Variants in ERG observed in about 807,000 individuals in gnomAD.
ERG encodes ETS transcription factor ERG.
A neutral mutation model predicts 55.3 loss-of-function variants in ERG; 9 were observed. That is an observed-to-expected ratio of 0.16 (90% CI 0.10 to 0.28). The LOEUF is 0.28. Among genes scored for constraint, ERG ranks in the 10% least tolerant of loss-of-function variants. The pLI is 1.00. For missense variants in ERG, 434 were observed against 631.6 expected (o/e 0.69, Z 3.35); for synonymous variants, 223 against 237.3 (o/e 0.94, Z 0.55).
chr21:38,640,740 C>T (rs2060419385), intron 1 of ERG, among the ~76,000 whole-genome samples: 1 of 152,106 alleles, frequency 6.6e-6, no homozygotes, highest in Admixed American at 6.5e-5. Flanking sequence ...ACATCTTTAT[C>T]AGCGGTGTGA....
intron 1 of ERG, among the ~76,000 whole-genome samples, chr21:38,468,195 C>A (rs141792190): frequency 0.012 from 1,782 of 152,270 alleles, 39 homozygotes; most frequent in African/African-American, 0.042. Flanking sequence ...CCTTCCTCCC[C>A]ACCCGGCAGG....
intron 3 of ERG, among the ~76,000 whole-genome samples, chr21:38,419,771 T>C (rs910299467): frequency 6.6e-6 from 1 of 152,134 alleles, no homozygotes; most frequent in Non-Finnish European, 1.5e-5. Flanking sequence ...TTTTTGACAC[T>C]TTTTTTATGG....
downstream of ERG, among the ~76,000 whole-genome samples, chr21:38,378,754 C>G (rs1372466494): frequency 6.6e-6 from 1 of 152,180 alleles, no homozygotes; most frequent in African/African-American, 2.4e-5. Context: ...TCAGAAAATG[C>G]AACCTAAGAT....
chr21:38,399,854 C>G (rs2146447137), intron 6 of ERG, among the ~76,000 whole-genome samples: 1 of 152,304 alleles, frequency 6.6e-6, no homozygotes, highest in African/African-American at 2.4e-5. Context: ...CTAGGTCACT[C>G]TACTGAAACA....
At chr21:38,418,927 CAAAAAAAAAAAAA>C (rs35001409) in intron 3 of ERG, among the ~76,000 whole-genome samples, 1 of 80,924 alleles carries the variant, frequency 1.2e-5, no homozygotes, top group Non-Finnish European at 2.4e-5. Flanking sequence ...GACTTTGTCT[CAAAAAAAAAAAAA>C]AAAAAAAAAA....
rs573502818 is a variant in ERG at position 38,444,529 on chromosome 21, T to C, written c.236+875A>G. Among the ~76,000 whole-genome samples, 6 of 152,306 alleles carry C rather than the reference T, an allele frequency of 3.9e-5. No individual in the cohort carries two copies. The East Asian group carries it at 1.2e-3, about 29-fold the overall frequency. Reference sequence around the variant, plus strand: ...GATTTGATATTCTTTTTCCTGAATATATATGGGGTATTAGATCATAATTGA... The same window carrying C: ...GATTTGATATTCTTTTTCCTGAATACATATGGGGTATTAGATCATAATTGA... On this transcript the variant is annotated intron_variant, in intron 2 of 9. Coordinates refer to ENST00000288319, the MANE Select transcript of ERG (RefSeq NM_182918.4).
intron 1 of ERG, among the ~76,000 whole-genome samples, chr21:38,643,979 C>T (rs2060440920): frequency 6.6e-6 from 1 of 152,224 alleles, no homozygotes; most frequent in Non-Finnish European, 1.5e-5. Flanking sequence ...TCCCAAGGGA[C>T]AGTCCCCTCT....
chr21:38,546,650 A>G (rs996427449), intron 2 of ERG, among the ~76,000 whole-genome samples: 3 of 152,230 alleles, frequency 2.0e-5, no homozygotes, highest in Non-Finnish European at 4.4e-5. Context: ...CAAAAGAAGA[A>G]CAATGAGGGA....
Position 38,403,598 on chromosome 21 carries a change from T to C in ERG, c.500A>G (p.Glu167Gly). 6.2e-7 allele frequency: 1 copy of C among 1,614,190 alleles called. No homozygotes were observed. Among genetic ancestry groups the C allele is most frequent in the Non-Finnish European group, 8.5e-7 (1 of 1,180,026 alleles). The change falls in exon 4 of 10, where the codon GAA (glutamate) becomes GGA (glycine). Residue 167 changes from glutamate (E) to glycine (G), a missense_variant. This residue lies in a region of ERG where 212 missense variants were observed against 262.9 expected (regional missense o/e 0.81). Coordinates refer to ENST00000288319, the MANE Select transcript of ERG (RefSeq NM_182918.4). ...GTCGTCCTTGGTCATCTTGCACAGTTCCTTCCCATCGATGTTCTGGAATAA... is the reference window on the plus strand; with the variant it reads ...GTCGTCCTTGGTCATCTTGCACAGTCCCTTCCCATCGATGTTCTGGAATAA... ...ILLFQNIDGK[E>G]LCKMTKDDFQ...
chr21:38,641,985 C>A (rs772882155), intron 1 of ERG, among the ~76,000 whole-genome samples: 1 of 152,138 alleles, frequency 6.6e-6, no homozygotes, highest in Non-Finnish European at 1.5e-5. Context: ...ATTGGGAATT[C>A]CTGGTTTATA....
Position 38,460,201 on chromosome 21 carries a change from G to A in ERG, c.19-14580C>T, listed in dbSNP as rs541241228. On this transcript the variant is annotated intron_variant, in intron 1 of 9. Transcript: ENST00000288319. The surrounding 1 kb of genome is among the most constrained non-coding windows in gnomAD (Gnocchi z 5.0). ...GGAACAATGGGACCAAGAACAGCCAGGGAGGAGGGGTTACTGGAAAGGAGC... is the reference window on the plus strand; with the variant it reads ...GGAACAATGGGACCAAGAACAGCCAAGGAGGAGGGGTTACTGGAAAGGAGC... Among the ~76,000 whole-genome samples, 246 of 152,278 alleles carry A rather than the reference G, an allele frequency of 1.6e-3. No individual in the cohort carries two copies. The highest frequency in any genetic ancestry group is 3.0e-3 in the Non-Finnish European group (207 of 68,024).
At chr21:38,499,090 G>A (rs1601141878), upstream of ERG, among the ~76,000 whole-genome samples, 1 of 152,206 alleles carries the variant, frequency 6.6e-6, no homozygotes, top group Non-Finnish European at 1.5e-5. Context: ...TGTTGAAAAC[G>A]CAAGGACTCT....
At chr21:38,559,204 CT>C (rs888552966) in intron 2 of ERG, among the ~76,000 whole-genome samples, 2 of 151,800 alleles carry the variant, frequency 1.3e-5, no homozygotes, top group Non-Finnish European at 2.9e-5. Context: ...TCCCAAAGTA[CT>C]TTTTTTTCTG....
chr21:38,564,798 A>G (rs1044813585), intron 2 of ERG, among the ~76,000 whole-genome samples: 3 of 151,808 alleles, frequency 2.0e-5, no homozygotes, highest in African/African-American at 7.3e-5. Flanking sequence ...TCCAACCTGT[A>G]TGCATTGGAG....
chr21:38,465,610 T>C (rs1277566710), intron 1 of ERG, among the ~76,000 whole-genome samples: 2 of 152,086 alleles, frequency 1.3e-5, no homozygotes, highest in African/African-American at 4.8e-5. Flanking sequence ...TGCACTCCGA[T>C]GGGGAATGTT....
chr21:38,485,493 C>T (rs113945871), intron 1 of ERG, among the ~76,000 whole-genome samples: 4,584 of 139,846 alleles, frequency 0.033, 140 homozygotes, highest in East Asian at 0.091. Context: ...TGGAGTCTCG[C>T]TGTGTCACCA....
At chr21:38,384,974 A>C (rs1387532852) in intron 9 of ERG, among the ~76,000 whole-genome samples, 2 of 152,058 alleles carry the variant, frequency 1.3e-5, no homozygotes, top group African/African-American at 2.4e-5. Context: ...CAGAAGAAAA[A>C]CCCCAACAAT....
intron 2 of ERG, among the ~76,000 whole-genome samples, chr21:38,440,619 G>A (rs1033828830): frequency 2.0e-5 from 3 of 151,912 alleles, no homozygotes; most frequent in East Asian, 3.9e-4. Context: ...TAAGGAGTTC[G>A]AGACCAGCCT....
upstream of ERG, among the ~76,000 whole-genome samples, chr21:38,585,984 A>T (rs867863618): frequency 3.3e-5 from 5 of 152,054 alleles, no homozygotes; most frequent in South Asian, 4.1e-4. Flanking sequence ...GAAATAAAAG[A>T]GGGAAGGCAG....
Sources: allele counts gnomAD v4.1 joint callset (sites outside exome capture counted in the v4.1 genomes callset), GRCh38; gene constraint gnomAD v4.1.1; regional missense constraint gnomAD v4.1.1; non-coding constraint Gnocchi (gnomAD v3.1); transcripts MANE v1.5; gene names NCBI Gene and HGNC (gene_info 2026-07-23, HGNC 2026-07-21).